The following CADPS variants were observed in gnomAD, a reference collection of about 807,000 sequenced individuals.
CADPS encodes calcium-dependent secretion activator 1.
In CADPS, 57 loss-of-function variants were observed where a neutral mutation model predicts 167.3. That is an observed-to-expected ratio of 0.34 (90% CI 0.28 to 0.42). CADPS has a LOEUF of 0.42. Ranked by LOEUF, CADPS falls within the 20% of genes least tolerant of loss-of-function variation. The pLI is 1.00. For missense variants in CADPS, 1,414 were observed against 1,738.1 expected, an observed-to-expected ratio of 0.81 and a Z score of 3.32; for synonymous variants, 676 against 635.3, an observed-to-expected ratio of 1.06 and a Z score of -0.96.
intron 1 of CADPS, among the ~76,000 whole-genome samples, chr3:62,807,323 G>T (rs991780849): frequency 9.9e-6 from 1 of 100,946 alleles, no homozygotes; most frequent in Non-Finnish European, 2.5e-5. Context: ...GGGCACTGGC[G>T]TGATCTCAGC....
At chr3:62,823,099 T>C (rs899161574) in intron 1 of CADPS, among the ~76,000 whole-genome samples, 4 of 152,176 alleles carry the variant, frequency 2.6e-5, no homozygotes, top group Non-Finnish European at 5.9e-5. Context: ...TCCAAGAATA[T>C]CTATTATCTT....
intron 28 of CADPS, among the ~76,000 whole-genome samples, chr3:62,406,162 G>A (rs1390530022): frequency 1.3e-5 from 2 of 152,194 alleles, no homozygotes; most frequent in East Asian, 1.9e-4. Context: ...ATCTCTTCCC[G>A]AATCCGCGTT....
intron 1 of CADPS, among the ~76,000 whole-genome samples, chr3:62,832,666 C>A (rs1020401545): frequency 6.6e-6 from 1 of 152,196 alleles, no homozygotes; most frequent in East Asian, 1.9e-4. Context: ...GCTGCCTCTC[C>A]TCACATTGCT....
intron 1 of CADPS, among the ~76,000 whole-genome samples, chr3:62,829,004 T>C (rs549997079): frequency 2.6e-5 from 4 of 152,310 alleles, no homozygotes; most frequent in African/African-American, 9.6e-5. Flanking sequence ...TGATGGCCTG[T>C]GGACATGCTT....
In CADPS at chr3:62,587,640, G is replaced by A. The variant is rs1199057032; in HGVS notation, c.1438-2316C>T. On this transcript the variant is annotated intron_variant, in intron 7 of 29. Coordinates refer to ENST00000383710, the MANE Select transcript of CADPS (RefSeq NM_003716.4). ...AATCACAGAGGGAGCAGTGCTCTGG[G>A]CACCCGCAGCTCATTAACAGGCCTT... Among the ~76,000 whole-genome samples the A allele has an allele frequency of 3.9e-5, 6 of 152,206 alleles. No individual in the cohort carries two copies. In the East Asian group the frequency reaches 1.2e-3, roughly 29 times the overall value.
At position 62,491,332 on chromosome 3, in the gene CADPS, TC is replaced by T; in HGVS notation, c.3026+6del. ...AACTCCGATGGTATCAAAAAAGGTT[TC>T]CTTACTTGACTGGTTCCCATGACTC... On this transcript the variant is annotated splice_donor_region_variant and intron_variant, in intron 21 of 29. Transcript: ENST00000383710. 1 of 1,612,782 alleles carries T rather than the reference TC, an allele frequency of 6.2e-7. No homozygotes were observed. The highest frequency in any genetic ancestry group is 8.5e-7 in the Non-Finnish European group (1 of 1,179,620).
intron 3 of CADPS, among the ~76,000 whole-genome samples, chr3:62,712,687 C>G (rs1479308483): frequency 6.6e-6 from 1 of 152,124 alleles, no homozygotes; most frequent in Non-Finnish European, 1.5e-5. Flanking sequence ...TGGAATGAGG[C>G]AGGGTTATAA....
Position 62,399,108 on chromosome 3 carries a change from T to C in CADPS, c.*298A>G, listed in dbSNP as rs2148970458. 3.5e-6 allele frequency: 1 copy of C among 287,356 alleles called. No individual in the cohort carries two copies. The highest frequency in any genetic ancestry group is 2.1e-5 in the African/African-American group (1 of 46,694). 17.8% of individuals were successfully genotyped at this position (287,356 alleles called of 1,614,324 possible). A position where few individuals can be genotyped will look rare whatever the true frequency, so the allele number is the denominator to read the frequency against. On this transcript the variant is annotated 3_prime_UTR_variant, in exon 30 of 30. Coordinates refer to ENST00000383710, the MANE Select transcript of CADPS (RefSeq NM_003716.4). The surrounding 1 kb of genome is among the most constrained non-coding windows in gnomAD (Gnocchi z 5.6). ...TACATAGTACATGAATGAAGCATCA[T>C]TGATCTTTGCTGATAACAGGGACAC...
At chr3:62,840,612 T>G (rs1029647291) in intron 1 of CADPS, among the ~76,000 whole-genome samples, 28 of 152,180 alleles carry the variant, frequency 1.8e-4, no homozygotes, top group African/African-American at 6.3e-4. Context: ...GGCTTAAAAT[T>G]GTGCAAACTT....
chr3:62,855,949 T>C (rs2079597720), intron 1 of CADPS, among the ~76,000 whole-genome samples: 1 of 152,208 alleles, frequency 6.6e-6, no homozygotes, highest in African/African-American at 2.4e-5. Flanking sequence ...TTAGACAGAA[T>C]TGAATCTTCC....
chr3:62,858,738 T>A (rs1407418879), intron 1 of CADPS, among the ~76,000 whole-genome samples: 2 of 152,172 alleles, frequency 1.3e-5, no homozygotes, highest in Non-Finnish European at 2.9e-5. Flanking sequence ...ATTACTTTAA[T>A]GATATGTGTT....
chr3:62,530,543 G>T, intron 13 of CADPS: 1 of 637,238 alleles, frequency 1.6e-6, no homozygotes, highest in Non-Finnish European at 2.1e-6. Context: ...CTTAAAGAGA[G>T]ACTTTAGGAA....
chr3:62,618,852 G>A (rs555075559), intron 6 of CADPS, among the ~76,000 whole-genome samples: 1 of 152,282 alleles, frequency 6.6e-6, no homozygotes, highest in East Asian at 1.9e-4. Context: ...GCACCTAGAA[G>A]GCCTAGGCAT....
At chr3:62,480,946 C>A (rs934546011) in intron 22 of CADPS, among the ~76,000 whole-genome samples, 12 of 152,144 alleles carry the variant, frequency 7.9e-5, no homozygotes, top group Non-Finnish European at 4.4e-5. Context: ...CCTCACTCCC[C>A]CAAACTGCTG....
intron 3 of CADPS, among the ~76,000 whole-genome samples, chr3:62,740,188 G>A (rs1234143314): frequency 6.6e-6 from 1 of 152,210 alleles, no homozygotes; most frequent in Non-Finnish European, 1.5e-5. Flanking sequence ...TGTTTCATTT[G>A]TATCACGCAG....
intron 8 of CADPS, among the ~76,000 whole-genome samples, chr3:62,572,884 T>C (rs1469850012): frequency 6.6e-6 from 1 of 151,950 alleles, no homozygotes; most frequent in East Asian, 1.9e-4. Flanking sequence ...CACATATACT[T>C]TTTTTTTCTT....
intron 1 of CADPS, among the ~76,000 whole-genome samples, chr3:62,859,033 A>G (rs1227235528): frequency 2.0e-5 from 3 of 152,196 alleles, no homozygotes; most frequent in Non-Finnish European, 4.4e-5. Context: ...AAAGGATAGT[A>G]ATTAGAGAAA....
chr3:62,499,414 T>C, intron 17 of CADPS, 146 bp from the exon 18 acceptor site: 1 of 565,120 alleles, frequency 1.8e-6, no homozygotes, highest in Admixed American at 2.9e-5. Flanking sequence ...TAATTAGTAG[T>C]GAGCAAACCA....
At chr3:62,629,840 CT>C (rs899968583) in intron 6 of CADPS, among the ~76,000 whole-genome samples, 1 of 151,144 alleles carries the variant, frequency 6.6e-6, no homozygotes, top group African/African-American at 2.4e-5. Context: ...TTTAAACTTG[CT>C]TTTTTTCTTC....
Sources: allele counts gnomAD v4.1 joint callset (sites outside exome capture counted in the v4.1 genomes callset), GRCh38; gene constraint gnomAD v4.1.1; non-coding constraint Gnocchi (gnomAD v3.1); transcripts MANE v1.5; gene names NCBI Gene and HGNC (gene_info 2026-07-23, HGNC 2026-07-21).